The following FBXO6 variants were observed in gnomAD, a reference collection of about 807,000 sequenced individuals.
FBXO6 encodes F-box protein 6.
In FBXO6, 13 loss-of-function variants were observed where a neutral mutation model predicts 25.0. That is an observed-to-expected ratio of 0.52 (90% CI 0.34 to 0.83). The LOEUF (loss-of-function observed/expected upper bound fraction) is 0.83, where lower values mean the gene tolerates loss of function less well. FBXO6 is among the 40% of genes least tolerant of loss of function. The probability of loss-of-function intolerance (pLI) is 0.02; values close to 1 mark genes in which losing one functional copy is unlikely to be tolerated. For missense variants in FBXO6, 370 were observed against 380.2 expected (o/e 0.97, Z 0.22); for synonymous variants, 138 against 155.3 (o/e 0.89, Z 0.83).
At position 11,667,096 on chromosome 1, in the gene FBXO6, G is replaced by A. The variant is rs144854662; in HGVS notation, c.-3-1560G>A. Among the ~76,000 whole-genome samples the A allele has an allele frequency of 3.7e-4, 56 of 151,732 alleles. No homozygotes were observed. In the East Asian group the frequency reaches 9.3e-3, roughly 25 times the overall value. ...CAGGAGGTGGAGATTGCAGTGAGCC[G>A]AGATCACGCCATTGCACTCCAGCCT... On this transcript the variant is annotated intron_variant, in intron 1 of 5. Transcript: ENST00000376753.
chr1:11,666,683 G>A (rs892421508), intron 1 of FBXO6, among the ~76,000 whole-genome samples: 5 of 152,072 alleles, frequency 3.3e-5, no homozygotes, highest in African/African-American at 1.2e-4. Context: ...CACCCGGCCT[G>A]CAAAGCATTT....
intron 1 of FBXO6, 34 bp from the exon 2 acceptor site, chr1:11,668,622 C>A (rs759496313): frequency 6.3e-7 from 1 of 1,596,618 alleles, no homozygotes; most frequent in Non-Finnish European, 8.6e-7. Context: ...GCCCACCTCC[C>A]TGGTCAGGCT....
At chr1:11,668,196 C>CA (rs1192368975) in intron 1 of FBXO6, among the ~76,000 whole-genome samples, 1 of 152,004 alleles carries the variant, frequency 6.6e-6, no homozygotes, top group Non-Finnish European at 1.5e-5. Context: ...GTGGCCTCCA[C>CA]AAAATCTTAC....
At chr1:11,667,961 A>G (rs1261775676) in intron 1 of FBXO6, among the ~76,000 whole-genome samples, 2 of 152,076 alleles carry the variant, frequency 1.3e-5, no homozygotes, top group African/African-American at 2.4e-5. Context: ...GTATGGTGGC[A>G]TGCGCCTATA....
Position 11,674,229 on chromosome 1 carries a change from G to C in FBXO6, c.*378G>C. ...TGATGCAGAAGAATGGCGTGAACCC[G>C]GAAGGCAGAGCTTGCAGTGAGCCGA... On this transcript the variant is annotated 3_prime_UTR_variant, in exon 6 of 6. Coordinates refer to ENST00000376753, the MANE Select transcript of FBXO6 (RefSeq NM_018438.6). This position sits in a 1 kb window ranked among gnomAD's most constrained non-coding sequence, Gnocchi z 6.1. The C allele has an allele frequency of 4.3e-6, 1 of 229,912 alleles. No individual in the cohort carries two copies. The highest frequency in any genetic ancestry group is 8.9e-6 in the Non-Finnish European group (1 of 112,096). 14.2% of individuals were successfully genotyped at this position (229,912 alleles called of 1,614,324 possible).
In FBXO6 at chr1:11,673,175, G is replaced by A. The variant is rs1390326595; in HGVS notation, c.510-102G>A. ...TGCAGGCAGAGCAGTGTCAGCTGAT[G>A]GGAGATGAAGCTCCGAGCTCCAATG... On this transcript the variant is annotated intron_variant, in intron 4 of 5. Coordinates refer to ENST00000376753, the MANE Select transcript of FBXO6 (RefSeq NM_018438.6). This position sits in a 1 kb window ranked among gnomAD's most constrained non-coding sequence, Gnocchi z 4.3. The A allele has an allele frequency of 3.5e-5, 49 of 1,400,236 alleles. No homozygotes were observed. Among genetic ancestry groups the A allele is most frequent in the Non-Finnish European group, 4.6e-5 (48 of 1,045,930 alleles). The allele number at this position is 1,400,236 out of a possible 1,614,324, so 86.7% of individuals were successfully genotyped here.
At chr1:11,667,851 G>A (rs1042460783) in intron 1 of FBXO6, among the ~76,000 whole-genome samples, 1 of 152,170 alleles carries the variant, frequency 6.6e-6, no homozygotes, top group Non-Finnish European at 1.5e-5. Flanking sequence ...CCAGCACTTT[G>A]GGAGGCCGAG....
chr1:11,669,046 C>T, intron 2 of FBXO6, 102 bp downstream of exon 2: 5 of 1,413,746 alleles, frequency 3.5e-6, no homozygotes, highest in Non-Finnish European at 3.8e-6. Context: ...TTCTCTAACC[C>T]TAAACACCCA....
chr1:11,667,146 G>A (rs1219790665), intron 1 of FBXO6, among the ~76,000 whole-genome samples: 7 of 151,162 alleles, frequency 4.6e-5, no homozygotes, highest in African/African-American at 1.2e-4. Context: ...AAACTGTCTC[G>A]GGGTGGGGGG....
intron 2 of FBXO6, among the ~76,000 whole-genome samples, chr1:11,669,665 T>TGTATATATAC (rs200064016): frequency 0.16 from 23,753 of 145,472 alleles, 2,053 homozygotes; most frequent in South Asian, 0.21. Context: ...CATATACACA[T>TGTATATATAC]GTATATATGT....
intron 1 of FBXO6, 30 bp from the exon 2 acceptor site, chr1:11,668,626 T>G (rs1340941686): frequency 6.3e-7 from 1 of 1,598,254 alleles, no homozygotes; most frequent in African/African-American, 1.3e-5. Context: ...ACCTCCCTGG[T>G]CAGGCTCATA....
intron 1 of FBXO6, among the ~76,000 whole-genome samples, chr1:11,666,360 A>G (rs1640438162): frequency 6.6e-6 from 1 of 150,378 alleles, no homozygotes; most frequent in Admixed American, 6.6e-5. Context: ...TGTGTTGCCA[A>G]GGTTGCAAAG....
Position 11,673,149 on chromosome 1 carries a change from T to C in FBXO6, c.510-128T>C. 1 of 1,223,342 alleles carries C rather than the reference T, an allele frequency of 8.2e-7. No individual in the cohort carries two copies. The highest frequency in any genetic ancestry group is 1.1e-6 in the Non-Finnish European group (1 of 901,896). The allele number at this position is 1,223,342 out of a possible 1,614,324, so 75.8% of individuals were successfully genotyped here. A position where few individuals can be genotyped will look rare whatever the true frequency, so the allele number is the denominator to read the frequency against. On this transcript the variant is annotated intron_variant, in intron 4 of 5. Transcript: ENST00000376753. The surrounding 1 kb of genome is among the most constrained non-coding windows in gnomAD (Gnocchi z 4.3). The stretch of plus-strand genomic sequence containing the variant: ...AGGGAGCGCTGAAGCCAGCTGGGCC[T>C]TGCAGGCAGAGCAGTGTCAGCTGAT...
rs558082678 is a variant in FBXO6, at chr1:11,674,165, G to A, written c.*314G>A. ...TAAAAATACAAAAAATTAGCCGGGC[G>A]TGGTGGCGGGCGCCTGTAGTCCCAG... is the stretch of plus-strand genomic sequence containing the variant. On this transcript the variant is annotated 3_prime_UTR_variant, in exon 6 of 6. Coordinates refer to ENST00000376753, the MANE Select transcript of FBXO6 (RefSeq NM_018438.6). This position sits in a 1 kb window ranked among gnomAD's most constrained non-coding sequence, Gnocchi z 6.1. 9.7e-6 allele frequency: 3 copies of A among 308,378 alleles called. No individual in the cohort carries two copies. Among genetic ancestry groups the A allele is most frequent in the East Asian group, 7.5e-5 (1 of 13,286 alleles). 19.1% of individuals were successfully genotyped at this position (308,378 alleles called of 1,614,324 possible). A position where few individuals can be genotyped will look rare whatever the true frequency, so the allele number is the denominator to read the frequency against.
intron 2 of FBXO6, among the ~76,000 whole-genome samples, chr1:11,670,157 G>A (rs1328145675): frequency 6.6e-6 from 1 of 150,536 alleles, no homozygotes; most frequent in East Asian, 2.0e-4. Flanking sequence ...AGCTTGCAGT[G>A]AGCCAAGATT....
chr1:11,669,737 T>TACACACACACAC (rs113558790), intron 2 of FBXO6, among the ~76,000 whole-genome samples: 4 of 138,944 alleles, frequency 2.9e-5, no homozygotes, highest in African/African-American at 1.1e-4. Context: ...TACATATACA[T>TACACACACACAC]ACACACACAC....
Position 11,671,408 on chromosome 1 carries a change from C to T in FBXO6, c.413+16C>T, listed in dbSNP as rs1422386872. 12 of 1,611,738 alleles carry T rather than the reference C, an allele frequency of 7.4e-6. No homozygotes were observed. The Admixed American group carries it at 1.5e-4, about 20-fold the overall frequency. ...CATCCTACGAGTAAGGCAAACTGAA[C>T]CTACCAGGCTTGCGTGGAGGGGACA... On this transcript the variant is annotated intron_variant, in intron 3 of 5. Transcript: ENST00000376753.
At chr1:11,665,554 C>CTGTTTTTTTTT (rs1640404910) in intron 1 of FBXO6, among the ~76,000 whole-genome samples, 1 of 37,848 alleles carries the variant, frequency 2.6e-5, no homozygotes, top group Non-Finnish European at 4.0e-5. Flanking sequence ...CGCGCCCGGC[C>CTGTTTTTTTTT]TTTTTTTTTT....
rs1476975628 is a variant in FBXO6, at chr1:11,668,850, C to T, written c.192C>T (p.Ile64=). The change falls in exon 2 of 6, where the codon ATC becomes ATT. Residue 64 remains isoleucine, a synonymous_variant. Transcript: ENST00000376753. Reference sequence around the variant, plus strand: ...GCAAGTGCCTGCGAGAGGGCTTCATCACCAAGGACTGGGACCAGCCCGTGG... The same window carrying T: ...GCAAGTGCCTGCGAGAGGGCTTCATTACCAAGGACTGGGACCAGCCCGTGG... ...WKRKCLREGF[I]TKDWDQPVAD... 6.2e-7 allele frequency: 1 copy of T among 1,614,218 alleles called. No homozygotes were observed. The highest frequency in any genetic ancestry group is 8.5e-7 in the Non-Finnish European group (1 of 1,180,038).
Sources: allele counts gnomAD v4.1 joint callset (sites outside exome capture counted in the v4.1 genomes callset), GRCh38; gene constraint gnomAD v4.1.1; non-coding constraint Gnocchi (gnomAD v3.1); transcripts MANE v1.5; gene names NCBI Gene and HGNC (gene_info 2026-07-23, HGNC 2026-07-21).